The following CYYR1 variants were observed in gnomAD, a reference collection of about 807,000 sequenced individuals.
The protein encoded by CYYR1 is cysteine and tyrosine rich 1.
A neutral mutation model predicts 15.2 loss-of-function variants in CYYR1; 14 were observed. The observed-to-expected ratio is 0.92, with a 90% CI of 0.61 to 1.44. CYYR1 has a LOEUF of 1.44. Among genes scored for constraint, CYYR1 ranks in the 40% most tolerant of loss-of-function variants. The pLI is 0.00. For missense variants in CYYR1, 228 were observed against 209.5 expected, an observed-to-expected ratio of 1.09 and a Z score of -0.54; for synonymous variants, 80 against 77.4, an observed-to-expected ratio of 1.03 and a Z score of -0.18.
chr21:26,471,509 A>G (rs2065032854), intron 3 of CYYR1: 2 of 152,224 alleles, frequency 1.3e-5, no homozygotes, highest in Non-Finnish European at 2.9e-5. Flanking sequence ...TCATTCATAC[A>G]ACCTTTGAAT....
intron 1 of CYYR1, among the ~76,000 whole-genome samples, chr21:26,566,801 G>C (rs1980654393): frequency 6.6e-6 from 1 of 152,242 alleles, no homozygotes; most frequent in East Asian, 1.9e-4. Context: ...TTGAGGTCAG[G>C]AGTCTGAGAC....
intron 2 of CYYR1, chr21:26,550,243 AC>A (rs1443626400): frequency 6.6e-6 from 1 of 152,180 alleles, no homozygotes; most frequent in Admixed American, 6.6e-5. Flanking sequence ...AAGATGGTGA[AC>A]TTAATTGATA....
chr21:26,477,966 T>TA, intron 3 of CYYR1: 1 of 1,438,896 alleles, frequency 6.9e-7, no homozygotes. Flanking sequence ...GGGTGAAACT[T>TA]AAAGTCAATT....
intron 1 of CYYR1, among the ~76,000 whole-genome samples, chr21:26,570,462 G>GC (rs1344593025): frequency 1.3e-5 from 2 of 152,202 alleles, no homozygotes; most frequent in African/African-American, 4.8e-5. Context: ...ACTGGCTGAG[G>GC]CCCGGAAGGT....
chr21:26,468,053 T>C lies in CYYR1; in HGVS notation c.*448A>G, dbSNP rs2064989867. On this transcript the variant is annotated 3_prime_UTR_variant, in exon 4 of 4. Coordinates refer to ENST00000652641, the MANE Select transcript of CYYR1 (RefSeq NM_001320768.2). ...TCTTAGGCACTCAAAATACATTTAT[T>C]GATGAATGAAAGAATGAACAATTCT... 4.4e-6 allele frequency: 1 copy of C among 225,172 alleles called. No individual in the cohort carries two copies. The highest frequency in any genetic ancestry group is 8.9e-6 in the Non-Finnish European group (1 of 112,908). 13.9% of individuals were successfully genotyped at this position (225,172 alleles called of 1,614,324 possible). A position where few individuals can be genotyped will look rare whatever the true frequency, so the allele number is the denominator to read the frequency against.
At position 26,566,311 on chromosome 21, in the gene CYYR1, G is replaced by T; in HGVS notation, c.131C>A (p.Thr44Lys). ...DCKSYCCDGT[T>K]PYCCSYYAYI... is the part of the protein sequence containing the mutation. ...AGCGTAGTAGGAGCAACAGTAGGGC[G>T]TGGTTCCATCACAGCAGTAAGATTT... The change falls in exon 2 of 4, where the codon ACG becomes AAG. Residue 44 changes from threonine (T) to lysine (K), a missense_variant. Physicochemically the swap from Thr to Lys is moderately conservative, Grantham distance 78. Transcript: ENST00000652641. 1 of 1,613,928 alleles carries T rather than the reference G, an allele frequency of 6.2e-7. No homozygotes were observed. Among genetic ancestry groups the T allele is most frequent in the South Asian group, 1.1e-5 (1 of 91,072 alleles).
chr21:26,472,261 T>G (rs1239513204), intron 3 of CYYR1, among the ~76,000 whole-genome samples: 1 of 152,172 alleles, frequency 6.6e-6, no homozygotes, highest in Non-Finnish European at 1.5e-5. Flanking sequence ...CCATCCACTA[T>G]TCACTATTTT....
chr21:26,530,279 T>G (rs879432043), intron 2 of CYYR1, among the ~76,000 whole-genome samples: 11 of 152,126 alleles, frequency 7.2e-5, no homozygotes, highest in South Asian at 2.1e-4. Context: ...CTTTTTAATT[T>G]TGAAGTAATC....
intron 2 of CYYR1, among the ~76,000 whole-genome samples, chr21:26,531,756 A>G (rs185931412): frequency 3.5e-4 from 54 of 152,270 alleles, no homozygotes; most frequent in Admixed American, 3.5e-3. Context: ...TGACTTTATT[A>G]ACTCAGTCAT....
At chr21:26,485,244 G>A (rs942723361) in intron 2 of CYYR1, among the ~76,000 whole-genome samples, 1 of 151,912 alleles carries the variant, frequency 6.6e-6, no homozygotes, top group Non-Finnish European at 1.5e-5. Flanking sequence ...AAAGAGTACA[G>A]AGAGAGCTCA....
chr21:26,537,588 G>A (rs1315098204), intron 2 of CYYR1, among the ~76,000 whole-genome samples: 1 of 152,042 alleles, frequency 6.6e-6, no homozygotes, highest in Non-Finnish European at 1.5e-5. Flanking sequence ...CCAGCTCTGA[G>A]AACTTCTCTC....
chr21:26,537,699 T>G (rs751507919), intron 2 of CYYR1, among the ~76,000 whole-genome samples: 1 of 152,084 alleles, frequency 6.6e-6, no homozygotes, highest in Non-Finnish European at 1.5e-5. Context: ...GGCTGGTAAG[T>G]AGAAAGCTAG....
rs2064975010 is a variant in CYYR1 at position 26,466,909 on chromosome 21, G to C, written c.*1592C>G. ...TCATTCAAAACAAATTCAGCCTTTGGACCTTACTGGCAGGTAGGTTATATT... is the reference window on the plus strand; with the variant it reads ...TCATTCAAAACAAATTCAGCCTTTGCACCTTACTGGCAGGTAGGTTATATT... On this transcript the variant is annotated 3_prime_UTR_variant, in exon 4 of 4. Coordinates refer to ENST00000652641, the MANE Select transcript of CYYR1 (RefSeq NM_001320768.2). 6.6e-6 allele frequency: 1 copy of C among 152,084 alleles called. No individual in the cohort carries two copies. The highest frequency in any genetic ancestry group is 1.5e-5 in the Non-Finnish European group (1 of 68,008). The allele number at this position is 152,084 out of a possible 1,614,324, so 9.4% of individuals were successfully genotyped here.
In CYYR1 at chr21:26,511,384, C is replaced by T. The variant is rs150144391; in HGVS notation, c.177-30955G>A. ...TGATAATTTTCTAATCGAATCTTGT[C>T]ATGGAATTTTCCTGCCTAGTCATTG... is the stretch of plus-strand genomic sequence containing the variant. On this transcript the variant is annotated intron_variant, in intron 2 of 3. Coordinates refer to ENST00000652641, the MANE Select transcript of CYYR1 (RefSeq NM_001320768.2). Among the ~76,000 whole-genome samples the T allele has an allele frequency of 1.2e-3, 177 of 152,288 alleles. 1 individual carries two copies. The Middle Eastern group carries it at 0.017, about 15-fold the overall frequency.
intron 2 of CYYR1, among the ~76,000 whole-genome samples, chr21:26,490,187 C>T (rs1287379845): frequency 2.0e-5 from 3 of 151,958 alleles, no homozygotes; most frequent in Non-Finnish European, 4.4e-5. Flanking sequence ...GTAGTCTCAT[C>T]TACTTGGTAG....
intron 2 of CYYR1, among the ~76,000 whole-genome samples, chr21:26,540,198 C>T (rs1327314437): frequency 2.6e-5 from 4 of 152,094 alleles, no homozygotes; most frequent in Non-Finnish European, 4.4e-5. Flanking sequence ...TACCACGGAT[C>T]ACAACTGCAA....
intron 2 of CYYR1, among the ~76,000 whole-genome samples, chr21:26,522,591 T>C (rs1032923380): frequency 3.3e-5 from 5 of 152,182 alleles, no homozygotes; most frequent in African/African-American, 1.2e-4. Flanking sequence ...TAATGTTCCA[T>C]AGTAGGATAA....
intron 2 of CYYR1, among the ~76,000 whole-genome samples, chr21:26,505,660 A>G (rs776431327): frequency 1.8e-4 from 28 of 152,332 alleles, no homozygotes; most frequent in Non-Finnish European, 4.0e-4. Flanking sequence ...ATATAATCAT[A>G]AAGTTGGAAG....
chr21:26,477,385 A>T (rs1006912557), intron 3 of CYYR1, among the ~76,000 whole-genome samples: 4 of 152,138 alleles, frequency 2.6e-5, no homozygotes, highest in African/African-American at 9.7e-5. Context: ...TTGCAGTAAA[A>T]ATGTTTTCAG....
Sources: gnomAD v4.1 joint callset for allele counts (sites outside exome capture counted in the v4.1 genomes callset) on GRCh38, gnomAD v4.1.1 for gene constraint, MANE v1.5 for transcripts, NCBI Gene and HGNC (gene_info 2026-07-23, HGNC 2026-07-21) for gene names.